The following EFCAB6 variants were observed in gnomAD, a reference collection of about 807,000 sequenced individuals.
EFCAB6 encodes EF-hand calcium-binding domain-containing protein 6.
A neutral mutation model predicts 169.8 loss-of-function variants in EFCAB6; 156 were observed. The ratio of observed to expected loss-of-function variants is 0.92; its 90% CI spans 0.81 to 1.05. The LOEUF is 1.05. Among genes scored for constraint, EFCAB6 ranks in the 50% least tolerant of loss-of-function variants. The probability of loss-of-function intolerance (pLI) is 0.00; values close to 1 mark genes in which losing one functional copy is unlikely to be tolerated. For synonymous variants in EFCAB6, 698 were observed against 676.4 expected (o/e 1.03, Z -0.50); for missense variants, 1,800 against 1,829.1 (o/e 0.98, Z 0.29).
chr22:43,731,662 A>G, intron 8 of EFCAB6, 37 bp downstream of exon 8: 2 of 1,273,426 alleles, frequency 1.6e-6, no homozygotes, highest in African/African-American at 1.5e-5. Flanking sequence ...GCCAAAAGAT[A>G]TTGAAATCTT....
chr22:43,646,903 G>A (rs1053850892), intron 17 of EFCAB6, among the ~76,000 whole-genome samples: 2 of 152,126 alleles, frequency 1.3e-5, no homozygotes, highest in Admixed American at 1.3e-4. Flanking sequence ...AATGTAATAT[G>A]GCAATATGCA....
intron 27 of EFCAB6, among the ~76,000 whole-genome samples, chr22:43,545,414 A>G (rs985155717): frequency 2.0e-5 from 3 of 152,220 alleles, no homozygotes; most frequent in African/African-American, 7.2e-5. Flanking sequence ...CAGTTGATGG[A>G]TACATATTTT....
Position 43,737,262 on chromosome 22 carries a change from C to A in EFCAB6, c.508-1269G>T, listed in dbSNP as rs1335499627. On this transcript the variant is annotated intron_variant, in intron 6 of 31. Coordinates refer to ENST00000262726, the MANE Select transcript of EFCAB6 (RefSeq NM_022785.4). Reference sequence around the variant, plus strand: ...TCCCTCTTTACTGACATGGTCCACCCCATACATCATCACTGTCACACACAC... The same window carrying A: ...TCCCTCTTTACTGACATGGTCCACCACATACATCATCACTGTCACACACAC... 2.6e-5 allele frequency among the ~76,000 whole-genome samples: 4 copies of A among 151,994 alleles called. No homozygotes were observed. In the East Asian group the frequency reaches 7.7e-4, roughly 29 times the overall value.
At chr22:43,692,542 C>T (rs2058446267) in intron 10 of EFCAB6, among the ~76,000 whole-genome samples, 1 of 151,644 alleles carries the variant, frequency 6.6e-6, no homozygotes, top group Admixed American at 6.6e-5. Context: ...GAAACAGATA[C>T]AATAAAAAGA....
chr22:43,689,581 G>C (rs1261118706), intron 10 of EFCAB6, among the ~76,000 whole-genome samples: 1 of 152,182 alleles, frequency 6.6e-6, no homozygotes, highest in Non-Finnish European at 1.5e-5. Flanking sequence ...ACCTTTGAAC[G>C]CTTGATCGGC....
intron 18 of EFCAB6, among the ~76,000 whole-genome samples, chr22:43,633,298 C>G (rs2055118808): frequency 6.6e-6 from 1 of 152,216 alleles, no homozygotes; most frequent in Non-Finnish European, 1.5e-5. Context: ...GCCTGTAATC[C>G]CAGCACTTTG....
At chr22:43,532,268 G>C (rs1215506922) in intron 30 of EFCAB6, among the ~76,000 whole-genome samples, 1 of 152,258 alleles carries the variant, frequency 6.6e-6, no homozygotes, top group Non-Finnish European at 1.5e-5. Flanking sequence ...AGCTTTGCGG[G>C]GTTGCTGAGG....
At chr22:43,791,179 GC>G (rs2062272201) in intron 2 of EFCAB6, among the ~76,000 whole-genome samples, 3 of 152,130 alleles carry the variant, frequency 2.0e-5, no homozygotes, top group Admixed American at 1.3e-4. Context: ...TTCAAGACCA[GC>G]CTGGGCGATA....
At chr22:43,623,821 A>G (rs62227021) in intron 20 of EFCAB6, among the ~76,000 whole-genome samples, 29,515 of 148,430 alleles carry the variant, frequency 0.2, 3,631 homozygotes, top group Middle Eastern at 0.33. Context: ...AGGCAGGAGA[A>G]TGGCGTGAAC....
intron 2 of EFCAB6, among the ~76,000 whole-genome samples, chr22:43,787,337 CAGAT>C (rs1320606400): frequency 7.9e-6 from 1 of 126,792 alleles, no homozygotes; most frequent in Non-Finnish European, 1.6e-5. Flanking sequence ...GGCAGACAGA[CAGAT>C]ACACACATAT....
Position 43,668,876 on chromosome 22 carries a change from C to T in EFCAB6, c.1810G>A (p.Glu604Lys), listed in dbSNP as rs750645986. 2 of 1,591,462 alleles carry T rather than the reference C, an allele frequency of 1.3e-6. No homozygotes were observed. The highest frequency in any genetic ancestry group is 8.6e-7 in the Non-Finnish European group (1 of 1,168,688). Residue 604 changes from glutamate (E) to lysine (K), a missense_variant, in exon 16 of 32, where the codon GAG becomes AAG. Physicochemically the swap from Glu to Lys is moderately conservative, Grantham distance 56. Transcript: ENST00000262726. ...ATTCATTTTGCTTAATTTTACCTCT[C>T]AGAAAGATCTGGCTGCTGCTGTTCA... ...KDEQQQPDLS[E>K]RTKLTEDKTT...
intron 23 of EFCAB6, among the ~76,000 whole-genome samples, chr22:43,591,868 T>C (rs1180929364): frequency 2.6e-5 from 4 of 152,208 alleles, no homozygotes; most frequent in Admixed American, 2.6e-4. Flanking sequence ...GAAGAAACAA[T>C]CTTGCACTTG....
chr22:43,773,809 T>C (rs1467133128), intron 3 of EFCAB6, among the ~76,000 whole-genome samples: 2 of 152,208 alleles, frequency 1.3e-5, no homozygotes, highest in African/African-American at 4.8e-5. Flanking sequence ...ATCGTGCCAT[T>C]GCACTCCAGC....
rs142573861 is a variant in EFCAB6, at chr22:43,625,195, G to A, written c.2465+1252C>T. The stretch of plus-strand genomic sequence containing the variant: ...CCTAGCCAAGTGTCACAACAGTCTG[G>A]CACAGTGGCTGTGGCTTCCAGGGGC... On this transcript the variant is annotated intron_variant, in intron 20 of 31. Coordinates refer to ENST00000262726, the MANE Select transcript of EFCAB6 (RefSeq NM_022785.4). Among the ~76,000 whole-genome samples the A allele has an allele frequency of 2.4e-4, 36 of 152,116 alleles. No homozygotes were observed. The East Asian group carries it at 6.8e-3, about 29-fold the overall frequency.
chr22:43,807,862 A>G (rs546616476), intron 2 of EFCAB6, among the ~76,000 whole-genome samples: 2 of 152,340 alleles, frequency 1.3e-5, no homozygotes, highest in African/African-American at 4.8e-5. Context: ...ACACTTCCAT[A>G]TACACATTGG....
chr22:43,647,332 A>G (rs889652091), intron 17 of EFCAB6, among the ~76,000 whole-genome samples: 5 of 152,244 alleles, frequency 3.3e-5, no homozygotes, highest in Non-Finnish European at 4.4e-5. Context: ...TGGAACTATA[A>G]CAAAACAAAA....
At chr22:43,695,070 C>T (rs2058524887) in intron 10 of EFCAB6, among the ~76,000 whole-genome samples, 1 of 151,970 alleles carries the variant, frequency 6.6e-6, no homozygotes, top group East Asian at 1.9e-4. Context: ...TGCAAGCTTG[C>T]TTTTATTTTT....
intron 2 of EFCAB6, among the ~76,000 whole-genome samples, chr22:43,806,463 C>T (rs1262574116): frequency 6.6e-6 from 1 of 152,024 alleles, no homozygotes; most frequent in Non-Finnish European, 1.5e-5. Flanking sequence ...CCAGGCTGGT[C>T]TCGAATTTCT....
intron 2 of EFCAB6, among the ~76,000 whole-genome samples, chr22:43,786,556 C>T (rs531602635): frequency 5.3e-4 from 80 of 151,730 alleles, no homozygotes; most frequent in African/African-American, 1.8e-3. Context: ...CCCGTCTCTA[C>T]TAAAAATACA....
Sources: allele counts gnomAD v4.1 joint callset (sites outside exome capture counted in the v4.1 genomes callset), GRCh38; gene constraint gnomAD v4.1.1; transcripts MANE v1.5; gene names NCBI Gene and HGNC (gene_info 2026-07-23, HGNC 2026-07-21).